NGEF: variants seen among roughly 807,000 people sequenced by gnomAD.
NGEF encodes the protein neuronal guanine nucleotide exchange factor.
NGEF carries 31 observed loss-of-function variants against 80.9 expected under a neutral mutation model. The ratio of observed to expected loss-of-function variants is 0.38; its 90% confidence interval spans 0.29 to 0.52. NGEF has a LOEUF of 0.52. NGEF is among the 20% of genes least tolerant of loss of function. The probability of loss-of-function intolerance (pLI) is 0.84; values close to 1 mark genes in which losing one functional copy is unlikely to be tolerated. For missense variants in NGEF, 709 were observed against 926.2 expected, an observed-to-expected ratio of 0.77 and a Z score of 3.04; for synonymous variants, 371 against 370.2, an observed-to-expected ratio of 1.00 and a Z score of -0.03.
At chr2:233,011,706 G>T (rs1695207707) in intron 1 of NGEF, among the ~76,000 whole-genome samples, 1 of 152,096 alleles carries the variant, frequency 6.6e-6, no homozygotes, top group Non-Finnish European at 1.5e-5. Context: ...TCCTGCCTCT[G>T]CCTCCTGAGT....
At chr2:232,995,070 T>C (rs766025716) in intron 1 of NGEF, among the ~76,000 whole-genome samples, 686 of 59,554 alleles carry the variant, frequency 0.012, 119 homozygotes, top group African/African-American at 0.029. Flanking sequence ...ACAGTATGTA[T>C]ACTGTATATG....
intron 4 of NGEF, among the ~76,000 whole-genome samples, chr2:232,921,164 C>T (rs151129364): frequency 2.0e-5 from 3 of 152,148 alleles, no homozygotes; most frequent in Non-Finnish European, 2.9e-5. Context: ...GTCTCTTAGG[C>T]GATTTGGGGG....
intron 5 of NGEF, among the ~76,000 whole-genome samples, chr2:232,909,831 G>A (rs1372162254): frequency 6.6e-6 from 1 of 152,186 alleles, no homozygotes; most frequent in Non-Finnish European, 1.5e-5. Flanking sequence ...TGCCACTAGT[G>A]TGGTCTCTTT....
intron 4 of NGEF, among the ~76,000 whole-genome samples, chr2:232,924,958 C>T (rs970108559): frequency 2.0e-5 from 3 of 152,040 alleles, no homozygotes; most frequent in African/African-American, 7.2e-5. Context: ...TTTTTATTTG[C>T]CTTAAATTCA....
intron 4 of NGEF, 103 bp from the exon 5 acceptor site, chr2:232,920,688 G>T (rs1023066452): frequency 8.2e-7 from 1 of 1,213,976 alleles, no homozygotes; most frequent in African/African-American, 1.5e-5. Context: ...GGTGGCTGCT[G>T]TGTCCAGGAA....
chr2:232,995,568 C>CTATATACAGTA (rs763658723), intron 1 of NGEF, among the ~76,000 whole-genome samples: 1 of 5,190 alleles, frequency 1.9e-4, no homozygotes, highest in African/African-American at 1.2e-3. Context: ...AGTATGTATA[C>CTATATACAGTA]TGTATATATA....
At chr2:232,918,148 G>A (rs943056820) in intron 5 of NGEF, among the ~76,000 whole-genome samples, 6 of 152,110 alleles carry the variant, frequency 3.9e-5, no homozygotes, top group African/African-American at 1.4e-4. Flanking sequence ...AGTAAATACG[G>A]GGTTTCACCA....
At chr2:232,955,841 A>G (rs1317329273) in intron 3 of NGEF, among the ~76,000 whole-genome samples, 1 of 152,122 alleles carries the variant, frequency 6.6e-6, no homozygotes, top group African/African-American at 2.4e-5. Flanking sequence ...TGTGACTCTG[A>G]CACTCGTGAA....
chr2:232,942,593 C>T (rs1693458598), intron 3 of NGEF, among the ~76,000 whole-genome samples: 1 of 152,124 alleles, frequency 6.6e-6, no homozygotes, highest in Non-Finnish European at 1.5e-5. Context: ...AATGGGAATG[C>T]TCTGAGAGCT....
chr2:232,988,630 T>C (rs1348285730), intron 1 of NGEF, among the ~76,000 whole-genome samples: 1 of 152,214 alleles, frequency 6.6e-6, no homozygotes, highest in African/African-American at 2.4e-5. Flanking sequence ...ATTTGGCCAC[T>C]GGATCTGCCT....
intron 1 of NGEF, among the ~76,000 whole-genome samples, chr2:232,996,144 G>T (rs1694840790): frequency 6.6e-6 from 1 of 151,896 alleles, no homozygotes; most frequent in African/African-American, 2.4e-5. Flanking sequence ...CCTGGCCAAC[G>T]TGGCAAAACC....
At chr2:232,953,830 G>A (rs1034897209) in intron 3 of NGEF, among the ~76,000 whole-genome samples, 18 of 152,134 alleles carry the variant, frequency 1.2e-4, no homozygotes, top group African/African-American at 2.2e-4. Context: ...GGAAGCTGCC[G>A]GGGAAGCGGT....
chr2:232,981,548 T>C (rs866904855), intron 1 of NGEF, among the ~76,000 whole-genome samples: 2 of 152,254 alleles, frequency 1.3e-5, no homozygotes, highest in Middle Eastern at 3.4e-3. Flanking sequence ...ATGGATCAGC[T>C]GACACCACCC....
chr2:232,953,514 A>ATTTT (rs1693728674), intron 3 of NGEF, among the ~76,000 whole-genome samples: 4 of 149,942 alleles, frequency 2.7e-5, no homozygotes, highest in African/African-American at 9.9e-5. Context: ...TTTTTTAAAA[A>ATTTT]AAAAAGAAAA....
At chr2:232,914,513 G>A (rs1452815459) in intron 5 of NGEF, among the ~76,000 whole-genome samples, 1 of 151,844 alleles carries the variant, frequency 6.6e-6, no homozygotes, top group Admixed American at 6.6e-5. Context: ...GACCAGCCTG[G>A]CCATCATGGT....
At chr2:232,994,068 T>C (rs1317221148) in intron 1 of NGEF, among the ~76,000 whole-genome samples, 1 of 152,150 alleles carries the variant, frequency 6.6e-6, no homozygotes, top group Non-Finnish European at 1.5e-5. Flanking sequence ...TGTAAATTTA[T>C]CCCAATAAAA....
intron 3 of NGEF, among the ~76,000 whole-genome samples, chr2:232,965,694 T>C (rs1694043820): frequency 6.6e-6 from 1 of 152,076 alleles, no homozygotes; most frequent in South Asian, 2.1e-4. Flanking sequence ...GAGGCTTTTG[T>C]CTAGAAAATG....
rs377581291 is a variant in NGEF, at chr2:232,964,418, C to T, written c.383+5796G>A. Among the ~76,000 whole-genome samples the T allele has an allele frequency of 1.7e-3, 261 of 152,248 alleles. 1 individual carries two copies. The highest frequency in any genetic ancestry group is 5.9e-3 in the African/African-American group (247 of 41,530). On this transcript the variant is annotated intron_variant, in intron 3 of 14. Transcript: ENST00000264051. ...ATAAAAAAGAATAATTTGGGCCGGG[C>T]GCGGTGGCTCGCACCTGTAATCCCA...
intron 1 of NGEF, among the ~76,000 whole-genome samples, chr2:233,005,909 T>C (rs1695074068): frequency 6.6e-6 from 1 of 152,176 alleles, no homozygotes; most frequent in Admixed American, 6.5e-5. Flanking sequence ...CTCTGCCTCC[T>C]GGGTTCAAGC....
Sources: allele counts gnomAD v4.1 joint callset (sites outside exome capture counted in the v4.1 genomes callset), GRCh38; gene constraint gnomAD v4.1.1; transcripts MANE v1.5; gene names NCBI Gene and HGNC (gene_info 2026-07-23, HGNC 2026-07-21).